PPP2R2B: variants seen among roughly 807,000 people sequenced by gnomAD.
PPP2R2B encodes protein phosphatase 2 regulatory subunit Bbeta.
In PPP2R2B, 5 loss-of-function variants were observed where a neutral mutation model predicts 46.0. The ratio of observed to expected loss-of-function variants is 0.11; its 90% confidence interval spans 0.06 to 0.23. The LOEUF (loss-of-function observed/expected upper bound fraction) is 0.23, where lower values mean the gene tolerates loss of function less well. Ranked by LOEUF, PPP2R2B falls within the 10% of genes least tolerant of loss-of-function variation. The pLI is 1.00. For synonymous variants in PPP2R2B, 215 were observed against 206.7 expected (o/e 1.04, Z -0.34); for missense variants, 367 against 575.0 (o/e 0.64, Z 3.70).
chr5:146,919,847 T>C (rs1763530862), intron 1 of PPP2R2B: 1 of 152,230 alleles, frequency 6.6e-6, no homozygotes, highest in Non-Finnish European at 1.5e-5. Flanking sequence ...TTGTGACTTG[T>C]AATAAGAAAA....
chr5:146,684,607 C>G (rs1233791703), intron 5 of PPP2R2B, among the ~76,000 whole-genome samples: 1 of 152,154 alleles, frequency 6.6e-6, no homozygotes, highest in Non-Finnish European at 1.5e-5. Context: ...CTCAAAGGAT[C>G]CTTGGGAGCA....
At chr5:146,602,329 T>G (rs1771863739) in intron 7 of PPP2R2B, among the ~76,000 whole-genome samples, 1 of 152,222 alleles carries the variant, frequency 6.6e-6, no homozygotes, top group Non-Finnish European at 1.5e-5. Context: ...CTCACAAATG[T>G]TCAATGAATA....
chr5:146,775,967 A>T (rs906296124), intron 2 of PPP2R2B, among the ~76,000 whole-genome samples: 1 of 152,174 alleles, frequency 6.6e-6, no homozygotes. Flanking sequence ...CATTGCTTAA[A>T]GAAATGCAAG....
In PPP2R2B at chr5:146,889,678, A is replaced by G. The variant is rs747052409; in HGVS notation, c.79+165987T>C. On this transcript the variant is annotated intron_variant, in intron 1 of 8. Coordinates refer to the PPP2R2B transcript ENST00000336640. ...TTATTTTAATCTGTAACCTTTCCGT[A>G]TAAGTCATAACCTTGAGTATAATCA... is the stretch of plus-strand genomic sequence containing the variant. Among the ~76,000 whole-genome samples the G allele has an allele frequency of 2.6e-5, 4 of 152,168 alleles. No homozygotes were observed. In the East Asian group the frequency reaches 7.7e-4, roughly 29 times the overall value.
At chr5:146,704,372 G>C (rs1779711580) in intron 2 of PPP2R2B, among the ~76,000 whole-genome samples, 1 of 152,178 alleles carries the variant, frequency 6.6e-6, no homozygotes, top group African/African-American at 2.4e-5. Flanking sequence ...TTGAAATCAT[G>C]ATCCACAGAA....
intron 2 of PPP2R2B, chr5:146,706,375 G>A: frequency 1.5e-6 from 1 of 672,650 alleles, no homozygotes; most frequent in Non-Finnish European, 2.6e-6. Flanking sequence ...GGCCCCCATA[G>A]GCCAAGCTCA....
chr5:146,620,696 C>CA (rs1211274278), intron 7 of PPP2R2B, among the ~76,000 whole-genome samples: 1 of 152,188 alleles, frequency 6.6e-6, no homozygotes, highest in African/African-American at 2.4e-5. Context: ...CCACACATCA[C>CA]AGGCTAGAGA....
chr5:146,949,941 GAGAGT>G (rs755570748), intron 1 of PPP2R2B, among the ~76,000 whole-genome samples: 4 of 152,002 alleles, frequency 2.6e-5, no homozygotes, highest in Non-Finnish European at 4.4e-5. Context: ...CATGGAGACA[GAGAGT>G]AGAATGATGG....
At chr5:146,676,585 G>C (rs945502618) in intron 5 of PPP2R2B, among the ~76,000 whole-genome samples, 3 of 152,070 alleles carry the variant, frequency 2.0e-5, no homozygotes, top group Admixed American at 1.3e-4. Context: ...TGCTCTCCCT[G>C]AAAAGATCAA....
chr5:146,831,004 T>C (rs1758892884), intron 2 of PPP2R2B, among the ~76,000 whole-genome samples: 1 of 152,158 alleles, frequency 6.6e-6, no homozygotes, highest in African/African-American at 2.4e-5. Flanking sequence ...ATTACTCAGG[T>C]GTTTGTGGTG....
At chr5:146,742,084 A>T (rs1752908747) in intron 2 of PPP2R2B, among the ~76,000 whole-genome samples, 1 of 152,206 alleles carries the variant, frequency 6.6e-6, no homozygotes, top group African/African-American at 2.4e-5. Flanking sequence ...GTTCTTACAA[A>T]GGAAAATGTT....
intron 5 of PPP2R2B, among the ~76,000 whole-genome samples, chr5:146,672,098 G>A (rs979374604): frequency 1.3e-5 from 2 of 152,154 alleles, no homozygotes; most frequent in South Asian, 2.1e-4. Flanking sequence ...TTTATTGATC[G>A]ACAAGTAAGA....
At chr5:146,952,766 A>G (rs775156469) in intron 1 of PPP2R2B, among the ~76,000 whole-genome samples, 4 of 152,170 alleles carry the variant, frequency 2.6e-5, no homozygotes, top group Non-Finnish European at 5.9e-5. Context: ...GTGATAGATT[A>G]TAGCTAAGGT....
chr5:146,749,246 AT>A (rs897847715), intron 2 of PPP2R2B, among the ~76,000 whole-genome samples: 2 of 151,738 alleles, frequency 1.3e-5, no homozygotes, highest in African/African-American at 2.4e-5. Context: ...TTCTAATTGC[AT>A]TTTTTTAATG....
chr5:146,987,918 G>A (rs1475442589), intron 1 of PPP2R2B, among the ~76,000 whole-genome samples: 1 of 151,918 alleles, frequency 6.6e-6, no homozygotes, highest in Non-Finnish European at 1.5e-5. Context: ...AAAGTGAAAG[G>A]ATGGAAAAAG....
At chr5:146,626,585 T>C (rs944191233) in intron 7 of PPP2R2B, among the ~76,000 whole-genome samples, 3 of 152,226 alleles carry the variant, frequency 2.0e-5, no homozygotes, top group South Asian at 2.1e-4. Context: ...TGGGTTCTCC[T>C]GAACCTAGAA....
intron 2 of PPP2R2B, among the ~76,000 whole-genome samples, chr5:146,740,041 A>G (rs1051724722): frequency 7.9e-5 from 12 of 152,216 alleles, no homozygotes; most frequent in Non-Finnish European, 1.6e-4. Context: ...CAGATTCTCA[A>G]AGGAACCTAA....
At chr5:146,911,090 T>TGTC (rs58520448) in intron 1 of PPP2R2B, among the ~76,000 whole-genome samples, 8 of 113,164 alleles carry the variant, frequency 7.1e-5, no homozygotes, top group South Asian at 2.8e-4. Flanking sequence ...GACACTTTCT[T>TGTC]TTTTTTTTTT....
chr5:146,615,827 T>C (rs1451428222), intron 7 of PPP2R2B, among the ~76,000 whole-genome samples: 1 of 152,184 alleles, frequency 6.6e-6, no homozygotes, highest in Non-Finnish European at 1.5e-5. Flanking sequence ...CCCAAAGCAG[T>C]CTACAGATTT....
Sources: gnomAD v4.1 joint callset for allele counts (sites outside exome capture counted in the v4.1 genomes callset) on GRCh38, gnomAD v4.1.1 for gene constraint, MANE v1.5 for transcripts, NCBI Gene and HGNC (gene_info 2026-07-23, HGNC 2026-07-21) for gene names.